The following MBNL1 variants were observed in gnomAD, a reference collection of about 807,000 sequenced individuals.
The protein encoded by MBNL1 is muscleblind-like protein 1.
MBNL1 carries 8 observed loss-of-function variants against 42.2 expected under a neutral mutation model. The observed-to-expected ratio is 0.19, with a 90% CI of 0.11 to 0.34. The LOEUF (loss-of-function observed/expected upper bound fraction) is 0.34. Among genes scored for constraint, MBNL1 ranks in the 10% least tolerant of loss-of-function variants. The pLI is 1.00. For missense variants in MBNL1, 309 were observed against 495.3 expected (o/e 0.62, Z 3.57); for synonymous variants, 169 against 173.9 (o/e 0.97, Z 0.22).
intron 2 of MBNL1, among the ~76,000 whole-genome samples, chr3:152,374,587 T>C (rs2096820456): frequency 6.6e-6 from 1 of 152,222 alleles, no homozygotes; most frequent in Non-Finnish European, 1.5e-5. Flanking sequence ...GGACTCAAAG[T>C]AAGCTGACTG....
chr3:152,314,376 CT>C (rs766855642), intron 2 of MBNL1, among the ~76,000 whole-genome samples: 309 of 138,570 alleles, frequency 2.2e-3, no homozygotes, highest in Middle Eastern at 7.4e-3. Context: ...TGCTCCAAGA[CT>C]TTTTTTTTTT....
intron 9 of MBNL1, 92 bp downstream of exon 9, chr3:152,459,437 CTG>C: frequency 2.0e-6 from 1 of 509,724 alleles, no homozygotes. Flanking sequence ...TGCGAAATCT[CTG>C]AGAAAATATA....
intron 2 of MBNL1, among the ~76,000 whole-genome samples, chr3:152,410,356 G>A (rs1412743715): frequency 3.9e-5 from 6 of 152,312 alleles, no homozygotes; most frequent in African/African-American, 1.4e-4. Flanking sequence ...TTGAATGACT[G>A]TTATTGGTCT....
intron 2 of MBNL1, among the ~76,000 whole-genome samples, chr3:152,310,338 A>G (rs142548053): frequency 3.3e-5 from 5 of 152,342 alleles, no homozygotes; most frequent in Non-Finnish European, 5.9e-5. Context: ...TAAAGAAGCT[A>G]AGAACAATTA....
intron 2 of MBNL1, among the ~76,000 whole-genome samples, chr3:152,335,993 G>A (rs1375729554): frequency 1.3e-5 from 2 of 152,110 alleles, no homozygotes. Context: ...CTACCGGACA[G>A]TAAGTGTTTA....
intron 2 of MBNL1, among the ~76,000 whole-genome samples, chr3:152,358,531 A>G (rs1179892988): frequency 6.6e-6 from 1 of 152,184 alleles, no homozygotes. Context: ...TTTTCCCTGC[A>G]ACTAGATCTA....
chr3:152,447,962 G>T (rs1713454286), intron 6 of MBNL1, among the ~76,000 whole-genome samples, 189 bp downstream of exon 6: 1 of 152,214 alleles, frequency 6.6e-6, no homozygotes, highest in African/African-American at 2.4e-5. Flanking sequence ...GTAGCTTAAT[G>T]AAATGTGGAT....
intron 2 of MBNL1, among the ~76,000 whole-genome samples, chr3:152,374,068 A>T (rs575397971): frequency 6.6e-6 from 1 of 152,320 alleles, no homozygotes; most frequent in Admixed American, 6.5e-5. Context: ...TTACATATAA[A>T]GGCTGTTTTA....
intron 2 of MBNL1, among the ~76,000 whole-genome samples, chr3:152,386,858 C>CT (rs1413497377): frequency 6.6e-6 from 1 of 152,080 alleles, no homozygotes; most frequent in East Asian, 1.9e-4. Context: ...ATGGCTCTGA[C>CT]TTTAATAGTA....
intron 2 of MBNL1, among the ~76,000 whole-genome samples, chr3:152,365,976 G>A (rs1187300967): frequency 6.6e-6 from 1 of 151,994 alleles, no homozygotes; most frequent in African/African-American, 2.4e-5. Flanking sequence ...CATGTAAAAA[G>A]GTGCTATATT....
intron 2 of MBNL1, among the ~76,000 whole-genome samples, chr3:152,252,245 T>G (rs569299308): frequency 1.2e-3 from 183 of 147,638 alleles, no homozygotes; most frequent in African/African-American, 4.2e-3. Flanking sequence ...TCTCCCTCCT[T>G]CCCTTCCTCC....
intron 2 of MBNL1, among the ~76,000 whole-genome samples, chr3:152,256,435 C>T (rs1388523562): frequency 6.6e-6 from 1 of 152,092 alleles, no homozygotes; most frequent in Non-Finnish European, 1.5e-5. Flanking sequence ...CTCCAGAGAC[C>T]ACAGATGTTT....
chr3:152,302,732 C>T (rs1016391712), intron 2 of MBNL1, among the ~76,000 whole-genome samples: 5 of 151,988 alleles, frequency 3.3e-5, no homozygotes, highest in African/African-American at 9.7e-5. Flanking sequence ...ACAGAGTAAA[C>T]GGAAAAAAAT....
intron 2 of MBNL1, among the ~76,000 whole-genome samples, chr3:152,332,817 G>C (rs991156261): frequency 6.6e-6 from 1 of 151,978 alleles, no homozygotes; most frequent in Non-Finnish European, 1.5e-5. Context: ...AATTAGTCCA[G>C]AGAGTTAGAC....
At chr3:152,374,901 T>C (rs2096832204) in intron 2 of MBNL1, among the ~76,000 whole-genome samples, 1 of 152,252 alleles carries the variant, frequency 6.6e-6, no homozygotes, top group Non-Finnish European at 1.5e-5. Context: ...TTTCATTATA[T>C]TATTTCTTGG....
chr3:152,351,879 C>G (rs2095040334), intron 2 of MBNL1, among the ~76,000 whole-genome samples: 1 of 152,170 alleles, frequency 6.6e-6, no homozygotes, highest in African/African-American at 2.4e-5. Flanking sequence ...ATTATATTTT[C>G]AGATTATATT....
intron 2 of MBNL1, among the ~76,000 whole-genome samples, chr3:152,252,156 C>CTTCCTTCCTTCCT (rs2034680434): frequency 6.9e-6 from 1 of 144,794 alleles, no homozygotes; most frequent in Non-Finnish European, 1.5e-5. Flanking sequence ...TCCTTCCTTC[C>CTTCCTTCCTTCCT]TTCCTTCCTT....
intron 2 of MBNL1, among the ~76,000 whole-genome samples, chr3:152,317,600 G>A (rs192915033): frequency 4.6e-5 from 7 of 152,236 alleles, no homozygotes; most frequent in East Asian, 1.9e-4. Flanking sequence ...GATTACAGGC[G>A]TGAGCCACCG....
At chr3:152,442,241 A>C (rs1284892600) in intron 4 of MBNL1, among the ~76,000 whole-genome samples, 1 of 152,314 alleles carries the variant, frequency 6.6e-6, no homozygotes, top group South Asian at 2.1e-4. Flanking sequence ...AATTATCTAG[A>C]TATCCTCCAA....
Sources: allele counts gnomAD v4.1 joint callset (sites outside exome capture counted in the v4.1 genomes callset), GRCh38; gene constraint gnomAD v4.1.1; transcripts MANE v1.5; gene names NCBI Gene and HGNC (gene_info 2026-07-23, HGNC 2026-07-21).